The following ZIM2 variants were observed in gnomAD, a reference collection of about 807,000 sequenced individuals.
The protein encoded by ZIM2 is zinc finger imprinted 2, also known as zinc finger protein 656.
In ZIM2, 14 loss-of-function variants were observed where a neutral mutation model predicts 38.6. That is an observed-to-expected ratio of 0.36 (90% confidence interval 0.24 to 0.57). The LOEUF is 0.57. ZIM2 is among the 20% of genes least tolerant of loss of function. The pLI, the probability that ZIM2 is intolerant of heterozygous loss-of-function variation, is 0.81. For synonymous variants in ZIM2, 247 were observed against 245.8 expected, an observed-to-expected ratio of 1.00 and a Z score of -0.04; for missense variants, 680 against 695.1, an observed-to-expected ratio of 0.98 and a Z score of 0.24.
chr19:56,811,481 T>A (rs12980845), intron 9 of ZIM2: 1 of 979,892 alleles, frequency 1.0e-6, no homozygotes, highest in Admixed American at 6.2e-5. Context: ...GCATTAAGTG[T>A]CCACAGATAG....
chr19:56,780,436 G>T (rs762189311), intron 11 of ZIM2, among the ~76,000 whole-genome samples: 2 of 151,812 alleles, frequency 1.3e-5, no homozygotes, highest in African/African-American at 2.4e-5. Flanking sequence ...TAGAGACGGG[G>T]TTTCACCATG....
In ZIM2 at chr19:56,774,864, C is replaced by CA; in HGVS notation, c.1500dup (p.Asp501Ter). 1 of 1,614,156 alleles carries CA rather than the reference C, an allele frequency of 6.2e-7. No individual in the cohort carries two copies. ...TTCCGACTGAAGACTCTGCCACAGT[C>CA]ACAACACTGGCAGGCTCTCTCTCCA... On this transcript the variant is annotated frameshift_variant, in exon 13 of 13. Transcript: ENST00000629319. LOFTEE classifies it low-confidence loss of function (END_TRUNC).
At chr19:56,785,768 G>A (rs755840981) in intron 10 of ZIM2, among the ~76,000 whole-genome samples, 92 of 152,296 alleles carry the variant, frequency 6.0e-4, no homozygotes, top group Middle Eastern at 6.8e-3. Context: ...CAATTTTAAT[G>A]TGCACACAAA....
intron 9 of ZIM2, chr19:56,809,932 G>A (rs2047994544): frequency 6.5e-6 from 1 of 153,886 alleles, no homozygotes; most frequent in Non-Finnish European, 1.4e-5. Context: ...AGAAGTAATT[G>A]TTGAAATAGA....
chr19:56,827,939 T>C (rs2061210921), intron 2 of ZIM2, among the ~76,000 whole-genome samples: 2 of 152,226 alleles, frequency 1.3e-5, no homozygotes, highest in African/African-American at 2.4e-5. Context: ...GGAAGGGAAC[T>C]AGGGGTCAGG....
rs890592741 is a variant in ZIM2, at chr19:56,815,914, G to A, written c.490+1832C>T. On this transcript the variant is annotated intron_variant, in intron 9 of 12. Transcript: ENST00000629319. ...TTCATTTCCATTGTGACTTCTTGGA[G>A]GTTTGGAAGCCACTAAGCTATGGAT... 31 of 1,610,690 alleles carry A rather than the reference G, an allele frequency of 1.9e-5. 1 individual carries two copies. The highest frequency in any genetic ancestry group is 3.3e-5 in the Admixed American group (2 of 59,738).
At chr19:56,823,193 G>A (rs2060669376) in intron 5 of ZIM2, among the ~76,000 whole-genome samples, 1 of 152,086 alleles carries the variant, frequency 6.6e-6, no homozygotes, top group Admixed American at 6.5e-5. Context: ...CGATCTTAAA[G>A]TACACGTTAT....
intron 9 of ZIM2, among the ~76,000 whole-genome samples, chr19:56,807,328 G>GA (rs2047806343): frequency 6.6e-6 from 1 of 152,094 alleles, no homozygotes; most frequent in South Asian, 2.1e-4. Flanking sequence ...TGGGATGAGG[G>GA]AAAAAATAGA....
Position 56,832,047 on chromosome 19 carries a change from A to T in ZIM2, c.-227+3971T>A, listed in dbSNP as rs528917570. ...AACTAAACTGGAAGAAAACTCACAT[A>T]AACTTGTATTAAGACTATTCATAAA... On this transcript the variant is annotated intron_variant, in intron 2 of 12. Transcript: ENST00000629319. 5.9e-4 allele frequency among the ~76,000 whole-genome samples: 90 copies of T among 152,376 alleles called. 1 individual carries two copies. The highest frequency in any genetic ancestry group is 1.9e-3 in the African/African-American group (81 of 41,592).
intron 7 of ZIM2, among the ~76,000 whole-genome samples, chr19:56,820,256 TG>T (rs2060352775): frequency 6.6e-6 from 1 of 152,228 alleles, no homozygotes; most frequent in Admixed American, 6.5e-5. Context: ...AATTTACACA[TG>T]AAGCTAAAAG....
chr19:56,800,581 AG>A (rs1413411051), intron 9 of ZIM2, among the ~76,000 whole-genome samples: 1 of 152,166 alleles, frequency 6.6e-6, no homozygotes, highest in African/African-American at 2.4e-5. Flanking sequence ...TTATTTAAAA[AG>A]GTAGAAAGGA....
At chr19:56,826,689 G>T (rs1031443176) in intron 2 of ZIM2, among the ~76,000 whole-genome samples, 3 of 152,100 alleles carry the variant, frequency 2.0e-5, no homozygotes, top group African/African-American at 2.4e-5. Context: ...AGTCAAAAAC[G>T]CAAGACAAAG....
intron 9 of ZIM2, among the ~76,000 whole-genome samples, chr19:56,802,328 G>A (rs1038291846): frequency 7.9e-5 from 12 of 152,136 alleles, no homozygotes; most frequent in Non-Finnish European, 1.6e-4. Flanking sequence ...CTATGGAAAC[G>A]TGAGGGAAGG....
At chr19:56,822,860 G>A in intron 5 of ZIM2, 24 bp from the exon 6 acceptor site, 2 of 1,607,488 alleles carry the variant, frequency 1.2e-6, no homozygotes, top group Non-Finnish European at 1.7e-6. Context: ...ACATTCCAGT[G>A]GTTAACAAAG....
intron 9 of ZIM2, among the ~76,000 whole-genome samples, chr19:56,800,224 TGAAA>T (rs2047446170): frequency 6.6e-6 from 1 of 152,102 alleles, no homozygotes; most frequent in Non-Finnish European, 1.5e-5. Flanking sequence ...CTTAAAAAAA[TGAAA>T]GAACTAAGTA....
At chr19:56,805,747 A>C (rs2047728282) in intron 9 of ZIM2, among the ~76,000 whole-genome samples, 1 of 152,216 alleles carries the variant, frequency 6.6e-6, no homozygotes, top group Non-Finnish European at 1.5e-5. Context: ...TGTGACTTAG[A>C]AACCAAAGAA....
chr19:56,792,765 A>G lies in ZIM2; in HGVS notation c.491-2814T>C, dbSNP rs189071683. 3.7e-3 allele frequency among the ~76,000 whole-genome samples: 562 copies of G among 152,158 alleles called. 5 individuals carry two copies. Among genetic ancestry groups the G allele is most frequent in the Non-Finnish European group, 6.1e-3 (416 of 67,988 alleles). On this transcript the variant is annotated intron_variant, in intron 9 of 12. Transcript: ENST00000629319. ...GAAGCCCAAACTTCAGCAGCATCCA[A>G]TATACCCATGTAATAAACTTGCAAA... is the stretch of plus-strand genomic sequence containing the variant.
At chr19:56,805,479 T>C (rs2047714340) in intron 9 of ZIM2, among the ~76,000 whole-genome samples, 1 of 152,180 alleles carries the variant, frequency 6.6e-6, no homozygotes, top group African/African-American at 2.4e-5. Flanking sequence ...TTACTTGCTT[T>C]ATCTAAGTGT....
In ZIM2 at chr19:56,774,709, A is replaced by G; in HGVS notation, c.1656T>C (p.Thr552=). The change falls in exon 13 of 13, where the codon ACT becomes ACC. Residue 552 remains threonine (T), a synonymous_variant. Transcript: ENST00000629319. ...QHYQLHSQEK[T]VECDHC ...TTTCTCAACAGTGATCGCACTCAAC[A>G]GTTTTCTCTTGAGAATGGAGTTGAT... is the stretch of plus-strand genomic sequence containing the variant. 6.2e-7 allele frequency: 1 copy of G among 1,614,130 alleles called. No homozygotes were observed. Among genetic ancestry groups the G allele is most frequent in the Admixed American group, 1.7e-5 (1 of 60,022 alleles).
Sources: allele counts gnomAD v4.1 joint callset (sites outside exome capture counted in the v4.1 genomes callset), GRCh38; gene constraint gnomAD v4.1.1; transcripts MANE v1.5; gene names NCBI Gene and HGNC (gene_info 2026-07-23, HGNC 2026-07-21).